LRRTM4: variants seen among roughly 807,000 people sequenced by gnomAD.
LRRTM4 encodes leucine rich repeat transmembrane neuronal 4, also known as leucine-rich repeat transmembrane neuronal protein 4.
LRRTM4 carries 25 observed loss-of-function variants against 47.6 expected under a neutral mutation model. The observed-to-expected ratio is 0.53, with a 90% CI of 0.38 to 0.73. The LOEUF (loss-of-function observed/expected upper bound fraction) is 0.73, where lower values mean the gene tolerates loss of function less well. Ranked by LOEUF, LRRTM4 falls within the 30% of genes least tolerant of loss-of-function variation. The probability of loss-of-function intolerance (pLI) is 0.00; values close to 1 mark genes in which losing one functional copy is unlikely to be tolerated. For missense variants in LRRTM4, 638 were observed against 713.4 expected, an observed-to-expected ratio of 0.89 and a Z score of 1.20; for synonymous variants, 311 against 269.5, an observed-to-expected ratio of 1.15 and a Z score of -1.51.
chr2:76,824,959 C>T (rs1427395694), intron 3 of LRRTM4, among the ~76,000 whole-genome samples: 1 of 151,510 alleles, frequency 6.6e-6, no homozygotes, highest in African/African-American at 2.4e-5. Context: ...CAAATTCTTC[C>T]AATTGGGGTA....
chr2:76,873,558 T>C (rs1227097074), intron 3 of LRRTM4, among the ~76,000 whole-genome samples: 1 of 133,624 alleles, frequency 7.5e-6, no homozygotes, highest in African/African-American at 2.7e-5. Flanking sequence ...AAATCAACTT[T>C]GGAAAAAGAT....
chr2:76,819,798 T>C (rs1422641388), intron 3 of LRRTM4, among the ~76,000 whole-genome samples: 1 of 151,968 alleles, frequency 6.6e-6, no homozygotes, highest in East Asian at 1.9e-4. Flanking sequence ...TCTATTTTCA[T>C]GTACACTCAT....
intron 3 of LRRTM4, among the ~76,000 whole-genome samples, chr2:77,000,299 A>G (rs761514351): frequency 7.1e-6 from 1 of 140,086 alleles, no homozygotes; most frequent in Non-Finnish European, 1.6e-5. Flanking sequence ...CTCAGCCTTA[A>G]GGGATTTCTA....
chr2:77,240,312 A>G (rs1400472230), intron 3 of LRRTM4, among the ~76,000 whole-genome samples: 1 of 151,966 alleles, frequency 6.6e-6, no homozygotes, highest in African/African-American at 2.4e-5. Context: ...CCATATGACC[A>G]TCTCAACGAA....
intron 3 of LRRTM4, among the ~76,000 whole-genome samples, chr2:77,051,253 G>C (rs1344769916): frequency 2.0e-5 from 3 of 151,992 alleles, no homozygotes; most frequent in Admixed American, 1.3e-4. Flanking sequence ...CGTTGGTAGT[G>C]CAAGTTTCAG....
chr2:76,925,005 T>G (rs1573321105), intron 3 of LRRTM4, among the ~76,000 whole-genome samples: 1 of 152,132 alleles, frequency 6.6e-6, no homozygotes, highest in South Asian at 2.1e-4. Flanking sequence ...TGAGAGAGAC[T>G]TGTAACTTAC....
At chr2:76,929,634 T>C (rs1674701841) in intron 3 of LRRTM4, among the ~76,000 whole-genome samples, 1 of 152,202 alleles carries the variant, frequency 6.6e-6, no homozygotes, top group African/African-American at 2.4e-5. Flanking sequence ...GACATGTTTC[T>C]TTAAGTTAAA....
intron 3 of LRRTM4, among the ~76,000 whole-genome samples, chr2:76,753,986 T>C (rs975033078): frequency 6.6e-6 from 1 of 152,140 alleles, no homozygotes; most frequent in East Asian, 1.9e-4. Flanking sequence ...TTCACGAACA[T>C]TGTTCACATT....
intron 3 of LRRTM4, among the ~76,000 whole-genome samples, chr2:76,889,965 T>C (rs926319309): frequency 2.6e-5 from 4 of 151,958 alleles, no homozygotes; most frequent in African/African-American, 9.7e-5. Flanking sequence ...GACCTAGTTG[T>C]AGATGTATGA....
In LRRTM4 at chr2:76,799,687, G is replaced by A. The variant is rs1342169095; in HGVS notation, c.1552-50771C>T. Among the ~76,000 whole-genome samples the A allele has an allele frequency of 3.0e-5, 4 of 131,808 alleles. 1 individual carries two copies. The highest frequency in any genetic ancestry group is 6.3e-5 in the Non-Finnish European group (4 of 63,130). 86.5% of individuals were successfully genotyped at this position (131,808 alleles called of 152,430 possible). ...GTCCCTGTTTGCGGATGACATGATT[G>A]TATATCTAGAAAACCCCATTGTCTC... On this transcript the variant is annotated intron_variant, in intron 3 of 3. Coordinates refer to ENST00000409884, the MANE Select transcript of LRRTM4 (RefSeq NM_001134745.3).
intron 3 of LRRTM4, among the ~76,000 whole-genome samples, chr2:77,094,208 T>C (rs1670744156): frequency 6.6e-6 from 1 of 152,034 alleles, no homozygotes; most frequent in Non-Finnish European, 1.5e-5. Flanking sequence ...ATAAAATACA[T>C]AGGAGTAAAT....
At chr2:77,255,420 A>G (rs1489952738) in intron 3 of LRRTM4, among the ~76,000 whole-genome samples, 2 of 151,986 alleles carry the variant, frequency 1.3e-5, no homozygotes, top group African/African-American at 4.8e-5. Flanking sequence ...AAACTACAGG[A>G]TCTACTTGAT....
At chr2:77,078,275 C>T (rs1680411234) in intron 3 of LRRTM4, among the ~76,000 whole-genome samples, 1 of 152,058 alleles carries the variant, frequency 6.6e-6, no homozygotes. Flanking sequence ...GTGTTAGTTT[C>T]TCTCGTTGCT....
intron 3 of LRRTM4, among the ~76,000 whole-genome samples, chr2:77,219,241 A>G (rs1242410097): frequency 6.6e-6 from 1 of 152,196 alleles, no homozygotes; most frequent in Non-Finnish European, 1.5e-5. Context: ...ATCCTGTGAG[A>G]AAAGCAATTG....
chr2:77,433,687 T>A (rs17751162), intron 3 of LRRTM4, among the ~76,000 whole-genome samples: 1 of 152,070 alleles, frequency 6.6e-6, no homozygotes, highest in East Asian at 1.9e-4. Context: ...ATAGCAGACA[T>A]TGAAAAACCA....
At chr2:77,351,948 T>A (rs1268579228) in intron 3 of LRRTM4, among the ~76,000 whole-genome samples, 2 of 152,122 alleles carry the variant, frequency 1.3e-5, no homozygotes, top group Non-Finnish European at 2.9e-5. Context: ...AGTATCCTCT[T>A]TTCTTCATTT....
chr2:76,798,439 G>T (rs201459612), intron 3 of LRRTM4, among the ~76,000 whole-genome samples: 67 of 148,712 alleles, frequency 4.5e-4, no homozygotes, highest in African/African-American at 1.5e-3. Flanking sequence ...TCTCTGGGAC[G>T]CATTCAAAGC....
intron 3 of LRRTM4, among the ~76,000 whole-genome samples, chr2:76,793,073 A>ATAAC (rs1379890844): frequency 6.6e-6 from 1 of 152,192 alleles, no homozygotes; most frequent in African/African-American, 2.4e-5. Context: ...GCAGTATTAA[A>ATAAC]TAACTTCCTG....
At chr2:76,934,174 A>G (rs931031293) in intron 3 of LRRTM4, among the ~76,000 whole-genome samples, 2 of 152,182 alleles carry the variant, frequency 1.3e-5, no homozygotes, top group African/African-American at 2.4e-5. Flanking sequence ...TGTCACTCAC[A>G]TAATTTCTTC....
Sources: gnomAD v4.1 joint callset for allele counts (sites outside exome capture counted in the v4.1 genomes callset) on GRCh38, gnomAD v4.1.1 for gene constraint, MANE v1.5 for transcripts, NCBI Gene and HGNC (gene_info 2026-07-23, HGNC 2026-07-21) for gene names.